Variants in ELF1 observed in about 807,000 individuals in gnomAD.
ELF1 encodes ETS-related transcription factor Elf-1.
A neutral mutation model predicts 59.9 loss-of-function variants in ELF1; 24 were observed. The ratio of observed to expected loss-of-function variants is 0.40; its 90% CI spans 0.29 to 0.56. The LOEUF is 0.56. Among genes scored for constraint, ELF1 ranks in the 20% least tolerant of loss-of-function variants. The pLI, the probability that ELF1 is intolerant of heterozygous loss-of-function variation, is 0.44. For missense variants in ELF1, 627 were observed against 742.2 expected (o/e 0.84, Z 1.80); for synonymous variants, 248 against 266.2 (o/e 0.93, Z 0.67).
At chr13:40,950,708 T>C (rs1242221477) in intron 4 of ELF1, among the ~76,000 whole-genome samples, 3 of 152,226 alleles carry the variant, frequency 2.0e-5, no homozygotes, top group Non-Finnish European at 4.4e-5. Context: ...CTTGGCTTTG[T>C]AGTTATTTAC....
chr13:40,952,007 TAAATC>T (rs1870887544), intron 3 of ELF1, among the ~76,000 whole-genome samples: 1 of 152,366 alleles, frequency 6.6e-6, no homozygotes, highest in East Asian at 1.9e-4. Flanking sequence ...GTTTTTTGCT[TAAATC>T]AAATTAAGTC....
At chr13:41,059,360 G>A (rs935701877) in intron 1 of ELF1, among the ~76,000 whole-genome samples, 1 of 152,240 alleles carries the variant, frequency 6.6e-6, no homozygotes. Context: ...TCAAAAGCAT[G>A]TGGTGGTGCT....
chr13:40,959,911 G>A (rs1416952395), intron 2 of ELF1, among the ~76,000 whole-genome samples: 10 of 152,094 alleles, frequency 6.6e-5, no homozygotes, highest in African/African-American at 2.4e-4. Flanking sequence ...GTTAATTAGC[G>A]GCAAACCTCA....
At chr13:40,963,145 G>A (rs1246962012) in intron 2 of ELF1, among the ~76,000 whole-genome samples, 1 of 152,182 alleles carries the variant, frequency 6.6e-6, no homozygotes, top group Non-Finnish European at 1.5e-5. Context: ...GAAAACAGAG[G>A]CAAGGGAAAT....
intron 1 of ELF1, among the ~76,000 whole-genome samples, chr13:41,053,547 G>A (rs1877177994): frequency 6.6e-6 from 1 of 152,082 alleles, no homozygotes; most frequent in Admixed American, 6.6e-5. Context: ...GACCCCAGAT[G>A]GCTGCTTCAA....
intron 1 of ELF1, among the ~76,000 whole-genome samples, chr13:41,000,577 A>C (rs113838337): frequency 3.4e-4 from 51 of 152,182 alleles, no homozygotes; most frequent in African/African-American, 1.2e-3. Flanking sequence ...GTACTCTTGG[A>C]AAGTTCAAGA....
intron 2 of ELF1, among the ~76,000 whole-genome samples, chr13:40,975,106 A>C (rs1206510677): frequency 6.6e-6 from 1 of 152,236 alleles, no homozygotes. Flanking sequence ...CTGGAATTTT[A>C]AGGTAAATAA....
intron 2 of ELF1, among the ~76,000 whole-genome samples, chr13:40,959,479 G>A (rs1466513675): frequency 6.6e-6 from 1 of 152,160 alleles, no homozygotes. Context: ...CTGGGTGACA[G>A]AGTGAGGCTC....
intron 1 of ELF1, among the ~76,000 whole-genome samples, chr13:41,025,810 G>A (rs1439688557): frequency 6.6e-6 from 1 of 152,196 alleles, no homozygotes; most frequent in Non-Finnish European, 1.5e-5. Context: ...TAACCAAGTG[G>A]TGACTCCGAT....
intron 1 of ELF1, among the ~76,000 whole-genome samples, chr13:40,995,162 G>A (rs992077297): frequency 4.6e-5 from 7 of 152,144 alleles, no homozygotes; most frequent in African/African-American, 1.7e-4. Flanking sequence ...CTCATTATTA[G>A]GTGAAATGCT....
chr13:41,041,835 G>T (rs2138421179), intron 1 of ELF1, among the ~76,000 whole-genome samples: 1 of 152,238 alleles, frequency 6.6e-6, no homozygotes, highest in Admixed American at 6.5e-5. Context: ...TTACTTTCCA[G>T]ATGATCAGAA....
intron 1 of ELF1, among the ~76,000 whole-genome samples, chr13:41,043,751 G>A (rs1254284633): frequency 1.3e-5 from 2 of 152,182 alleles, no homozygotes; most frequent in Non-Finnish European, 2.9e-5. Context: ...CTCCAGCTTT[G>A]TTCTTTTGGC....
chr13:41,051,926 CTTTT>C (rs1231585095), intron 1 of ELF1, among the ~76,000 whole-genome samples: 10 of 143,230 alleles, frequency 7.0e-5, no homozygotes, highest in African/African-American at 2.3e-4. Context: ...TTCTTTCTTT[CTTTT>C]TCTCTTTTTT....
chr13:41,029,704 A>G (rs534688164), intron 1 of ELF1, among the ~76,000 whole-genome samples: 1 of 152,040 alleles, frequency 6.6e-6, no homozygotes, highest in Non-Finnish European at 1.5e-5. Flanking sequence ...CAATCAGTGG[A>G]CTCCATAAGG....
chr13:40,997,339 C>T (rs1169481726), intron 1 of ELF1, among the ~76,000 whole-genome samples: 3 of 151,912 alleles, frequency 2.0e-5, no homozygotes, highest in African/African-American at 7.3e-5. Flanking sequence ...CTCACTGCAA[C>T]CTCCACCTCC....
chr13:41,032,748 A>G (rs1186835829), intron 1 of ELF1, among the ~76,000 whole-genome samples: 1 of 151,750 alleles, frequency 6.6e-6, no homozygotes, highest in Non-Finnish European at 1.5e-5. Flanking sequence ...TACTTAGGAG[A>G]CCAAAGCAGA....
At chr13:41,029,333 G>A (rs1876073189) in intron 1 of ELF1, among the ~76,000 whole-genome samples, 1 of 152,172 alleles carries the variant, frequency 6.6e-6, no homozygotes, top group Non-Finnish European at 1.5e-5. Flanking sequence ...CCAGATAACT[G>A]GTATAGTATT....
At chr13:40,992,210 C>T (rs542841131) in intron 1 of ELF1, among the ~76,000 whole-genome samples, 1 of 152,248 alleles carries the variant, frequency 6.6e-6, no homozygotes, top group East Asian at 1.9e-4. Flanking sequence ...AAACGATTTG[C>T]CCAAAGTCGC....
chr13:40,956,679 CT>C (rs796729160), intron 3 of ELF1, among the ~76,000 whole-genome samples: 100 of 140,830 alleles, frequency 7.1e-4, no homozygotes, highest in Non-Finnish European at 6.1e-4. Context: ...GTCTCTATTA[CT>C]TTTTTTTTTT....
Sources: allele counts gnomAD v4.1 joint callset (sites outside exome capture counted in the v4.1 genomes callset), GRCh38; gene constraint gnomAD v4.1.1; transcripts MANE v1.5; gene names NCBI Gene and HGNC (gene_info 2026-07-23, HGNC 2026-07-21).